FBXO15: variants seen among roughly 807,000 people sequenced by gnomAD.
The protein encoded by FBXO15 is F-box only protein 15.
Under a neutral mutation model 49.5 loss-of-function variants are expected in FBXO15, and 30 were observed. The ratio of observed to expected loss-of-function variants is 0.61; its 90% CI spans 0.45 to 0.82. The LOEUF is 0.82. Among genes scored for constraint, FBXO15 ranks in the 40% least tolerant of loss-of-function variants. The probability of loss-of-function intolerance (pLI) is 0.00; values close to 1 mark genes in which losing one functional copy is unlikely to be tolerated. For missense variants in FBXO15, 591 were observed against 631.5 expected (o/e 0.94, Z 0.69); for synonymous variants, 250 against 232.7 (o/e 1.07, Z -0.68).
chr18:74,129,418 G>C lies in FBXO15; in HGVS notation c.772C>G (p.Pro258Ala), dbSNP rs200149803. Residue 258 changes from proline (P) to alanine (A), a missense_variant, in exon 5 of 10, where the codon CCC becomes GCC. By Grantham distance (27) the Pro-to-Ala change is conservative. Transcript: ENST00000419743. ...TPVFTDWYKTPTKHRLRWHSL... is the reference protein window; with the variant it reads ...TPVFTDWYKTATKHRLRWHSL... ...ATTGGTACTTACCTATGTTTGGTGG[G>C]AGTTTTATACCAGTCGGTAAAAACT... is the stretch of plus-strand genomic sequence containing the variant. 1 of 1,613,798 alleles carries C rather than the reference G, an allele frequency of 6.2e-7. No individual in the cohort carries two copies. The highest frequency in any genetic ancestry group is 2.2e-5 in the East Asian group (1 of 44,848).
chr18:74,120,502 A>G (rs571210088), intron 8 of FBXO15, among the ~76,000 whole-genome samples: 1 of 152,348 alleles, frequency 6.6e-6, no homozygotes, highest in East Asian at 1.9e-4. Context: ...TTAAATTAGA[A>G]CTCAGTAACA....
chr18:74,096,333 T>A (rs571843654), intron 8 of FBXO15, among the ~76,000 whole-genome samples: 14 of 152,114 alleles, frequency 9.2e-5, no homozygotes, highest in Non-Finnish European at 1.9e-4. Flanking sequence ...TTCCACTGGT[T>A]CCTGGGCACA....
chr18:74,107,830 T>C (rs966267397), intron 8 of FBXO15, among the ~76,000 whole-genome samples: 15 of 152,146 alleles, frequency 9.9e-5, no homozygotes, highest in African/African-American at 3.6e-4. Context: ...CTGTGCTACT[T>C]AACAAGGCTT....
At chr18:74,138,825 C>T (rs1978885504) in intron 2 of FBXO15, among the ~76,000 whole-genome samples, 1 of 152,284 alleles carries the variant, frequency 6.6e-6, no homozygotes, top group Non-Finnish European at 1.5e-5. Flanking sequence ...CCTGTTTCCC[C>T]CTCACACCTA....
chr18:74,085,497 G>T (rs903934404), intron 8 of FBXO15, among the ~76,000 whole-genome samples: 4 of 152,180 alleles, frequency 2.6e-5, no homozygotes, highest in Non-Finnish European at 5.9e-5. Context: ...GGAGGCTGAG[G>T]TGGGAGAATC....
In FBXO15 at chr18:74,073,679, A is replaced by C; in HGVS notation, c.1315T>G (p.Trp439Gly). The change falls in exon 10 of 10, where the codon TGG becomes GGG. Residue 439 changes from tryptophan (W) to glycine (G), a missense_variant. Trp to Gly is a radical substitution (Grantham distance 184). Coordinates refer to ENST00000419743, the MANE Select transcript of FBXO15 (RefSeq NM_001142958.2). ...TLLDEHGKPF[W>G]CFSSPVCLRS... The stretch of plus-strand genomic sequence containing the variant: ...AGGCACACCGGGGAACTGAAACACC[A>C]AAAGGGTTTCCCATGTTCATCCAAA... 7.4e-6 allele frequency: 12 copies of C among 1,614,138 alleles called. No homozygotes were observed. The highest frequency in any genetic ancestry group is 9.3e-6 in the Non-Finnish European group (11 of 1,180,010).
At chr18:74,100,564 T>C (rs919709513) in intron 8 of FBXO15, among the ~76,000 whole-genome samples, 1 of 150,876 alleles carries the variant, frequency 6.6e-6, no homozygotes, top group African/African-American at 2.4e-5. Flanking sequence ...ATAACCAAGA[T>C]CAGAGGAGAA....
chr18:74,140,062 T>C (rs1300041507), intron 2 of FBXO15, 140 bp downstream of exon 2: 1 of 539,708 alleles, frequency 1.9e-6, no homozygotes, highest in East Asian at 3.3e-5. Flanking sequence ...CATCAAATGC[T>C]CCATGCTGTA....
At chr18:74,121,393 A>C (rs968870797) in intron 8 of FBXO15, among the ~76,000 whole-genome samples, 1 of 151,964 alleles carries the variant, frequency 6.6e-6, no homozygotes, top group East Asian at 1.9e-4. Flanking sequence ...TAAATATCTT[A>C]ACAAGAAATG....
chr18:74,130,499 T>C lies in FBXO15; in HGVS notation c.492A>G (p.Ala164=), dbSNP rs1568178215. The C allele has an allele frequency of 6.2e-7, 1 of 1,614,210 alleles. No homozygotes were observed. Among genetic ancestry groups the C allele is most frequent in the Non-Finnish European group, 8.5e-7 (1 of 1,180,020 alleles). ...TGTCAGCTAGTGCGGCTTTTACAGA[T>C]GCTATTTGTTTTGTGATATATTCTT... ...WKKEYITKQI[A]SVKAALADIL... is the part of the protein sequence containing the mutation. Residue 164 remains alanine, a synonymous_variant, in exon 4 of 10, where the codon GCA becomes GCG. Coordinates refer to ENST00000419743, the MANE Select transcript of FBXO15 (RefSeq NM_001142958.2).
At chr18:74,103,688 C>T (rs1913622671) in intron 8 of FBXO15, among the ~76,000 whole-genome samples, 2 of 152,014 alleles carry the variant, frequency 1.3e-5, no homozygotes, top group African/African-American at 4.8e-5. Flanking sequence ...TCAATAGAAA[C>T]CATACAGGCC....
At chr18:74,111,862 T>C (rs1164930347) in intron 8 of FBXO15, among the ~76,000 whole-genome samples, 2 of 152,082 alleles carry the variant, frequency 1.3e-5, no homozygotes, top group Admixed American at 6.6e-5. Flanking sequence ...GGAATATCAG[T>C]GTAGCTCCCA....
intron 8 of FBXO15, among the ~76,000 whole-genome samples, chr18:74,107,104 G>A (rs1209002080): frequency 4.0e-5 from 6 of 150,724 alleles, no homozygotes; most frequent in Non-Finnish European, 7.4e-5. Context: ...TTTTCAAATC[G>A]CATATCAAAA....
intron 8 of FBXO15, among the ~76,000 whole-genome samples, chr18:74,105,451 T>G (rs1293559648): frequency 6.6e-6 from 1 of 152,112 alleles, no homozygotes; most frequent in African/African-American, 2.4e-5. Flanking sequence ...CCCAAAGGTT[T>G]TTTTTTGAGA....
chr18:74,123,683 ATG>A (rs1187775612), intron 7 of FBXO15, among the ~76,000 whole-genome samples, 173 bp from the exon 8 acceptor site: 1 of 152,190 alleles, frequency 6.6e-6, no homozygotes, highest in African/African-American at 2.4e-5. Flanking sequence ...AGACTGCTCA[ATG>A]TTACTTTTAC....
At chr18:74,124,208 T>G (rs1045000349) in intron 7 of FBXO15, among the ~76,000 whole-genome samples, 1 of 152,180 alleles carries the variant, frequency 6.6e-6, no homozygotes, top group Non-Finnish European at 1.5e-5. Flanking sequence ...GAGCAAGAAC[T>G]TGAAGGACAG....
intron 8 of FBXO15, among the ~76,000 whole-genome samples, chr18:74,107,089 C>G (rs1225599117): frequency 6.6e-6 from 1 of 151,454 alleles, no homozygotes; most frequent in East Asian, 1.9e-4. Flanking sequence ...TCTACATATT[C>G]TGAATTTTCA....
At chr18:74,106,798 T>G (rs1029135405) in intron 8 of FBXO15, among the ~76,000 whole-genome samples, 18 of 152,144 alleles carry the variant, frequency 1.2e-4, no homozygotes, top group African/African-American at 4.1e-4. Context: ...TTCAAAATAA[T>G]GGTCATGATA....
intron 5 of FBXO15, among the ~76,000 whole-genome samples, chr18:74,126,316 G>A (rs543273081): frequency 2.6e-4 from 39 of 152,288 alleles, no homozygotes; most frequent in African/African-American, 5.8e-4. Context: ...CTTCCCCTCC[G>A]TCTTGCTCTT....
Sources: gnomAD v4.1 joint callset for allele counts (sites outside exome capture counted in the v4.1 genomes callset) on GRCh38, gnomAD v4.1.1 for gene constraint, MANE v1.5 for transcripts, NCBI Gene and HGNC (gene_info 2026-07-23, HGNC 2026-07-21) for gene names.